GPR55: variants seen among roughly 807,000 people sequenced by gnomAD.
The protein encoded by GPR55 is G protein-coupled receptor 55, also known as G-protein coupled receptor 55.
A neutral mutation model predicts 7.9 loss-of-function variants in GPR55; 6 were observed. The observed-to-expected ratio is 0.76, with a 90% confidence interval of 0.41 to 1.49. GPR55 has a LOEUF of 1.49. Ranked by LOEUF, GPR55 falls within the 40% of genes most tolerant of loss-of-function variation. The probability of loss-of-function intolerance (pLI) is 0.01; values close to 1 mark genes in which losing one functional copy is unlikely to be tolerated. For synonymous variants in GPR55, 183 were observed against 166.8 expected, an observed-to-expected ratio of 1.10 and a Z score of -0.75; for missense variants, 376 against 406.0, an observed-to-expected ratio of 0.93 and a Z score of 0.63.
intron 1 of GPR55, among the ~76,000 whole-genome samples, chr2:230,943,001 TGAAGAGAAGA>T (rs10652349): frequency 7.4e-5 from 11 of 149,590 alleles, no homozygotes; most frequent in Admixed American, 4.6e-4. Flanking sequence ...CCTTGTGACC[TGAAGAGAAGA>T]GAAGAGAAGA....
At chr2:230,949,352 C>T (rs1206155332) in intron 1 of GPR55, among the ~76,000 whole-genome samples, 2 of 152,142 alleles carry the variant, frequency 1.3e-5, no homozygotes, top group Admixed American at 6.5e-5. Context: ...TTAGTAGAGA[C>T]GGGGTTTCAC....
chr2:230,927,152 AC>A (rs1690957359), upstream of GPR55, among the ~76,000 whole-genome samples: 1 of 151,866 alleles, frequency 6.6e-6, no homozygotes, highest in Non-Finnish European at 1.5e-5. Context: ...GCTCTCACCT[AC>A]CCCCCAGGGC....
chr2:230,922,023 G>A (rs1332088549), intron 1 of GPR55, among the ~76,000 whole-genome samples: 1 of 151,930 alleles, frequency 6.6e-6, no homozygotes. Flanking sequence ...ACAAAGCAAA[G>A]CAGCCTCGTC....
intron 1 of GPR55, among the ~76,000 whole-genome samples, chr2:230,941,279 C>G (rs1347908265): frequency 2.6e-5 from 4 of 152,170 alleles, no homozygotes; most frequent in African/African-American, 9.7e-5. Context: ...CTGCTGGTGG[C>G]CAGCGCAGCT....
At chr2:230,926,577 G>A (rs73110547), upstream of GPR55, among the ~76,000 whole-genome samples, 8,176 of 152,044 alleles carry the variant, frequency 0.054, 596 homozygotes, top group African/African-American at 0.16. Context: ...AGCCTGCAAT[G>A]TGAGGCCCCA....
intron 1 of GPR55, among the ~76,000 whole-genome samples, chr2:230,951,855 C>T (rs1229621484): frequency 6.6e-6 from 1 of 151,296 alleles, no homozygotes; most frequent in East Asian, 1.9e-4. Flanking sequence ...ACATCCTGGG[C>T]TCAGATGATC....
rs1293770803 is a variant in GPR55, at chr2:230,944,058, G to C, written c.-135+16717C>G. Among the ~76,000 whole-genome samples, 1 of 152,234 alleles carries C rather than the reference G, an allele frequency of 6.6e-6. No individual in the cohort carries two copies. The highest frequency in any genetic ancestry group is 1.5e-5 in the Non-Finnish European group (1 of 68,038). ...CCTCTTCTCCCTGGCCCTAGCCCAGGAGGAGGACCAGCAAGAGTAGTGAAG... is the reference window on the plus strand; with the variant it reads ...CCTCTTCTCCCTGGCCCTAGCCCAGCAGGAGGACCAGCAAGAGTAGTGAAG... On this transcript the variant is annotated intron_variant, in intron 1 of 1. Transcript: ENST00000392039. This position sits in a 1 kb window ranked among gnomAD's most constrained non-coding sequence, Gnocchi z 4.2.
Position 230,943,285 on chromosome 2 carries a change from C to T in GPR55, c.-135+17490G>A, listed in dbSNP as rs1337405532. ...CAGGACAGCATCCTGGCTGGCTCCC[C>T]GCCCCCAGACTGCCCGAGAGCTTGG... is the stretch of plus-strand genomic sequence containing the variant. On this transcript the variant is annotated intron_variant, in intron 1 of 1. Coordinates refer to the GPR55 transcript ENST00000392039. Among the ~76,000 whole-genome samples, 6 of 152,114 alleles carry T rather than the reference C, an allele frequency of 3.9e-5. No individual in the cohort carries two copies. In the East Asian group the frequency reaches 7.7e-4, roughly 20 times the overall value.
intron 1 of GPR55, among the ~76,000 whole-genome samples, 167 bp from the exon 2 acceptor site, chr2:230,911,263 A>C (rs1342873762): frequency 6.6e-6 from 1 of 152,188 alleles, no homozygotes; most frequent in Non-Finnish European, 1.5e-5. Context: ...CTGTCTTTTA[A>C]ATCAGAACTC....
chr2:230,921,894 A>G (rs1190799585), intron 1 of GPR55, among the ~76,000 whole-genome samples: 1 of 152,242 alleles, frequency 6.6e-6, no homozygotes, highest in Non-Finnish European at 1.5e-5. Context: ...GCACAAGGTC[A>G]TCCATCCTCC....
intron 1 of GPR55, among the ~76,000 whole-genome samples, chr2:230,920,176 G>T (rs1227228574): frequency 6.6e-6 from 1 of 151,616 alleles, no homozygotes; most frequent in African/African-American, 2.4e-5. Flanking sequence ...TATATATAAT[G>T]CTTGGTGGGG....
chr2:230,939,993 C>T (rs1691198641), intron 1 of GPR55, among the ~76,000 whole-genome samples: 1 of 152,174 alleles, frequency 6.6e-6, no homozygotes, highest in East Asian at 1.9e-4. Context: ...TGGCCTGCCA[C>T]TGCCACCCCC....
At chr2:230,929,772 G>C (rs1418450467), upstream of GPR55, 1 of 152,230 alleles carries the variant, frequency 6.6e-6, no homozygotes, top group Non-Finnish European at 1.5e-5. Flanking sequence ...AGTTTACAGA[G>C]AGCACAGGTC....
intron 1 of GPR55, among the ~76,000 whole-genome samples, chr2:230,940,477 C>A (rs1021135723): frequency 6.6e-6 from 1 of 152,206 alleles, no homozygotes; most frequent in Non-Finnish European, 1.5e-5. Flanking sequence ...CAGGAAGGCG[C>A]TTATCAAGAC....
intron 1 of GPR55, among the ~76,000 whole-genome samples, chr2:230,936,164 G>C (rs1195291265): frequency 6.6e-6 from 1 of 152,168 alleles, no homozygotes; most frequent in Non-Finnish European, 1.5e-5. Flanking sequence ...ACAAAGGCTG[G>C]CCAGTATGTG....
rs2396777 is a variant in GPR55, at chr2:230,910,129, G to A, written c.834C>T (p.Asn278=). Residue 278 remains asparagine (N), a synonymous_variant, in exon 2 of 2, where the codon AAC becomes AAT. Transcript: ENST00000650999. The surrounding 1 kb of genome is among the most constrained non-coding windows in gnomAD (Gnocchi z 5.4). Reference sequence around the variant, plus strand: ...AGAAAACATCCAGGCAGCAGTTGACGTTGGAGAAACACATGGACAATTGCA... The same window carrying A: ...AGAAAACATCCAGGCAGCAGTTGACATTGGAGAAACACATGGACAATTGCA... ...FFLQLSMCFS[N]VNCCLDVFCY... The A allele has an allele frequency of 0.19, 313,373 of 1,613,744 alleles. 38,599 individuals are homozygous for A. The highest frequency in any genetic ancestry group is 0.6 in the African/African-American group (45,232 of 74,938).
At chr2:230,948,399 C>A (rs1004651905) in intron 1 of GPR55, among the ~76,000 whole-genome samples, 1 of 152,084 alleles carries the variant, frequency 6.6e-6, no homozygotes, top group African/African-American at 2.4e-5. Flanking sequence ...ATTCAACAGT[C>A]CTGATTTTTG....
chr2:230,910,315 C>T lies in GPR55; in HGVS notation c.648G>A (p.Gln216=). Residue 216 remains glutamine (Q), a synonymous_variant, in exon 2 of 2, where the codon CAG becomes CAA. Coordinates refer to ENST00000650999, the MANE Select transcript of GPR55 (RefSeq NM_005683.4). This position sits in a 1 kb window ranked among gnomAD's most constrained non-coding sequence, Gnocchi z 5.4. ...HILLGRRDHT[Q]DWVQQKACIY... ...TGCAGGCTTTCTGCTGCACCCAGTCCTGGGTGTGGTCTCGGCGGCCCAGCA... is the reference window on the plus strand; with the variant it reads ...TGCAGGCTTTCTGCTGCACCCAGTCTTGGGTGTGGTCTCGGCGGCCCAGCA... 1 of 1,614,052 alleles carries T rather than the reference C, an allele frequency of 6.2e-7. No individual in the cohort carries two copies. The highest frequency in any genetic ancestry group is 8.5e-7 in the Non-Finnish European group (1 of 1,180,004).
chr2:230,939,889 AC>A (rs1167018442), intron 1 of GPR55, among the ~76,000 whole-genome samples: 1 of 151,794 alleles, frequency 6.6e-6, no homozygotes, highest in Non-Finnish European at 1.5e-5. Flanking sequence ...GCGGGGAGAG[AC>A]AGTCACAGGC....
Sources: allele counts gnomAD v4.1 joint callset (sites outside exome capture counted in the v4.1 genomes callset), GRCh38; gene constraint gnomAD v4.1.1; non-coding constraint Gnocchi (gnomAD v3.1); transcripts MANE v1.5; gene names NCBI Gene and HGNC (gene_info 2026-07-23, HGNC 2026-07-21).